The following SNTB1 variants were observed in gnomAD, a reference collection of about 807,000 sequenced individuals.
The protein encoded by SNTB1 is beta-1-syntrophin.
SNTB1 carries 36 observed loss-of-function variants against 48.9 expected under a neutral mutation model. The observed-to-expected ratio is 0.74, with a 90% CI of 0.56 to 0.97. The LOEUF (loss-of-function observed/expected upper bound fraction) is 0.97. Ranked by LOEUF, SNTB1 falls within the 50% of genes least tolerant of loss-of-function variation. The pLI, the probability that SNTB1 is intolerant of heterozygous loss-of-function variation, is 0.00. For missense variants in SNTB1, 786 were observed against 703.4 expected (o/e 1.12, Z -1.33); for synonymous variants, 299 against 294.6 (o/e 1.01, Z -0.15).
chr8:120,575,540 A>T (rs1042034388), intron 3 of SNTB1, among the ~76,000 whole-genome samples: 1 of 152,210 alleles, frequency 6.6e-6, no homozygotes, highest in African/African-American at 2.4e-5. Flanking sequence ...GCCTGGGGGA[A>T]TAAGTACTTC....
chr8:120,785,039 C>T (rs1440804912), intron 1 of SNTB1, among the ~76,000 whole-genome samples: 1 of 152,188 alleles, frequency 6.6e-6, no homozygotes, highest in African/African-American at 2.4e-5. Context: ...CATCTGAGTG[C>T]ACCCTCAGAC....
At chr8:120,680,855 G>T (rs756422703) in intron 2 of SNTB1, among the ~76,000 whole-genome samples, 1 of 152,152 alleles carries the variant, frequency 6.6e-6, no homozygotes, top group African/African-American at 2.4e-5. Flanking sequence ...CTCTCAGAGT[G>T]CACTTTGGAA....
intron 4 of SNTB1, among the ~76,000 whole-genome samples, chr8:120,555,439 T>G (rs575067287): frequency 6.6e-6 from 1 of 152,218 alleles, no homozygotes; most frequent in South Asian, 2.1e-4. Context: ...AATCTTCTTA[T>G]GCAAATGGAC....
chr8:120,765,967 A>G (rs1205574858), intron 1 of SNTB1: 2 of 152,146 alleles, frequency 1.3e-5, no homozygotes, highest in African/African-American at 2.4e-5. Context: ...ACAAACCCCT[A>G]ATTTGTAAAG....
chr8:120,629,702 A>G (rs1359503642), intron 3 of SNTB1, among the ~76,000 whole-genome samples: 3 of 152,236 alleles, frequency 2.0e-5, no homozygotes. Flanking sequence ...AACTTGATCT[A>G]TGGTAATCTT....
At chr8:120,646,909 C>G (rs926799699) in intron 2 of SNTB1, among the ~76,000 whole-genome samples, 9 of 151,628 alleles carry the variant, frequency 5.9e-5, no homozygotes, top group East Asian at 5.8e-4. Flanking sequence ...TGTATGTGTC[C>G]AGGAATTTAT....
At chr8:120,621,120 C>A (rs1023039470) in intron 3 of SNTB1, among the ~76,000 whole-genome samples, 8 of 152,028 alleles carry the variant, frequency 5.3e-5, no homozygotes, top group African/African-American at 1.9e-4. Flanking sequence ...ACACCATGCC[C>A]GGCTAATTTT....
chr8:120,590,360 A>G (rs1563825468), intron 3 of SNTB1, among the ~76,000 whole-genome samples: 1 of 152,136 alleles, frequency 6.6e-6, no homozygotes, highest in Admixed American at 6.5e-5. Flanking sequence ...CTGTCTTTCA[A>G]TTTCCTGCCA....
chr8:120,770,475 A>G (rs1332858909), intron 1 of SNTB1, among the ~76,000 whole-genome samples: 1 of 152,088 alleles, frequency 6.6e-6, no homozygotes, highest in Admixed American at 6.5e-5. Context: ...CCAATGTTAA[A>G]AAGGAGAATA....
intron 3 of SNTB1, among the ~76,000 whole-genome samples, chr8:120,630,362 C>G (rs1376127603): frequency 1.3e-5 from 2 of 152,200 alleles, no homozygotes; most frequent in East Asian, 3.9e-4. Context: ...CCTCCCTAGT[C>G]TCAGGTAACT....
At chr8:120,787,816 T>A (rs1819948486) in intron 1 of SNTB1, among the ~76,000 whole-genome samples, 1 of 152,158 alleles carries the variant, frequency 6.6e-6, no homozygotes, top group Non-Finnish European at 1.5e-5. Flanking sequence ...GAGGGAATGA[T>A]GAAGGAAAAC....
At position 120,783,212 on chromosome 8, in the gene SNTB1, T is replaced by C. The variant is rs369866908; in HGVS notation, c.571+28061A>G. Among the ~76,000 whole-genome samples, 107 of 152,328 alleles carry C rather than the reference T, an allele frequency of 7.0e-4. 1 individual carries two copies. Among genetic ancestry groups the C allele is most frequent in the Middle Eastern group, 3.4e-3 (1 of 294 alleles). On this transcript the variant is annotated intron_variant, in intron 1 of 6. Transcript: ENST00000517992. ...TGATATTTTCCAAATACACTACTTC[T>C]CACTCTCAGTTGGTTGGTTTTCACT...
intron 1 of SNTB1, among the ~76,000 whole-genome samples, chr8:120,805,369 G>A (rs113893716): frequency 6.6e-6 from 1 of 152,256 alleles, no homozygotes; most frequent in African/African-American, 2.4e-5. Flanking sequence ...TTATCCTGGT[G>A]TGTTTCTTAG....
intron 4 of SNTB1, among the ~76,000 whole-genome samples, chr8:120,559,480 A>G (rs1815618140): frequency 3.3e-5 from 5 of 152,212 alleles, no homozygotes; most frequent in Admixed American, 3.3e-4. Flanking sequence ...GATGAATTCC[A>G]TGAGGCTTAA....
intron 1 of SNTB1, among the ~76,000 whole-genome samples, chr8:120,772,656 C>G (rs1423556973): frequency 6.6e-6 from 1 of 152,106 alleles, no homozygotes; most frequent in Non-Finnish European, 1.5e-5. Flanking sequence ...GTCAACTAAG[C>G]TGAAATGAGA....
At chr8:120,575,471 G>C (rs1048545250) in intron 3 of SNTB1, among the ~76,000 whole-genome samples, 1 of 152,202 alleles carries the variant, frequency 6.6e-6, no homozygotes, top group Non-Finnish European at 1.5e-5. Context: ...CCACACATCT[G>C]TCACTGTTTC....
intron 1 of SNTB1, among the ~76,000 whole-genome samples, chr8:120,777,725 G>A (rs972412325): frequency 6.6e-6 from 1 of 152,204 alleles, no homozygotes; most frequent in Non-Finnish European, 1.5e-5. Context: ...TTGAACAGAA[G>A]GTTAAATCCC....
chr8:120,666,859 A>G (rs1302774725), intron 2 of SNTB1, among the ~76,000 whole-genome samples: 1 of 152,076 alleles, frequency 6.6e-6, no homozygotes, highest in Admixed American at 6.5e-5. Flanking sequence ...TATGTTTTCC[A>G]TCCACACATT....
chr8:120,593,339 A>G (rs1241763389), intron 3 of SNTB1, among the ~76,000 whole-genome samples: 1 of 152,114 alleles, frequency 6.6e-6, no homozygotes, highest in Non-Finnish European at 1.5e-5. Flanking sequence ...TGCTCACACC[A>G]CATTTCTTCT....
Sources: gnomAD v4.1 joint callset for allele counts (sites outside exome capture counted in the v4.1 genomes callset) on GRCh38, gnomAD v4.1.1 for gene constraint, MANE v1.5 for transcripts, NCBI Gene and HGNC (gene_info 2026-07-23, HGNC 2026-07-21) for gene names.